GALNT10: variants seen among roughly 807,000 people sequenced by gnomAD.
GALNT10 encodes GalNAc transferase 10.
In GALNT10, 41 loss-of-function variants were observed where a neutral mutation model predicts 75.0. That is an observed-to-expected ratio of 0.55 (90% CI 0.43 to 0.71). The LOEUF is 0.71. Ranked by LOEUF, GALNT10 falls within the 30% of genes least tolerant of loss-of-function variation. The pLI is 0.00. For missense variants in GALNT10, 727 were observed against 818.5 expected (o/e 0.89, Z 1.36); for synonymous variants, 302 against 313.0 (o/e 0.96, Z 0.37).
chr5:154,341,383 T>G (rs1755029814), intron 4 of GALNT10, among the ~76,000 whole-genome samples: 1 of 152,256 alleles, frequency 6.6e-6, no homozygotes, highest in Non-Finnish European at 1.5e-5. Context: ...TGTCATCTCC[T>G]ATTTGTCCTC....
intron 1 of GALNT10, among the ~76,000 whole-genome samples, chr5:154,293,613 A>ATATTTTTTTTTTTTTTTTTTTT: frequency 2.0e-4 from 22 of 109,400 alleles, no homozygotes; most frequent in Admixed American, 4.7e-4. Context: ...ATATATATAT[A>ATATTTTTTTTTTTTTTTTTTTT]TTTTTTTTTT....
intron 7 of GALNT10, among the ~76,000 whole-genome samples, chr5:154,398,755 A>G (rs1042154465): frequency 6.6e-6 from 1 of 152,194 alleles, no homozygotes; most frequent in Non-Finnish European, 1.5e-5. Flanking sequence ...AAATGAGAGA[A>G]TATGGTAGCG....
intron 1 of GALNT10, among the ~76,000 whole-genome samples, chr5:154,233,688 C>T (rs747658839): frequency 2.0e-5 from 3 of 152,188 alleles, no homozygotes; most frequent in Non-Finnish European, 2.9e-5. Flanking sequence ...AGTTATTCCA[C>T]AGCACATGGT....
At chr5:154,217,346 C>T (rs1033013484) in intron 1 of GALNT10, among the ~76,000 whole-genome samples, 3 of 152,266 alleles carry the variant, frequency 2.0e-5, no homozygotes, top group South Asian at 2.1e-4. Flanking sequence ...TGGCAGATCA[C>T]GCTCCTCTTG....
At chr5:154,219,392 G>A (rs114194025) in intron 1 of GALNT10, 8,765 of 152,762 alleles carry the variant, frequency 0.057, 806 homozygotes, top group African/African-American at 0.2. Flanking sequence ...TGTCCTTGGT[G>A]GCCTCCCCTC....
intron 3 of GALNT10, among the ~76,000 whole-genome samples, chr5:154,321,007 C>T (rs990161547): frequency 1.3e-5 from 2 of 152,204 alleles, no homozygotes; most frequent in African/African-American, 4.8e-5. Flanking sequence ...GGACTCTGAC[C>T]TGTTTTTTCC....
chr5:154,334,295 G>A (rs1754909488), intron 4 of GALNT10, among the ~76,000 whole-genome samples: 1 of 152,252 alleles, frequency 6.6e-6, no homozygotes, highest in Admixed American at 6.5e-5. Flanking sequence ...AGCAGAAGCT[G>A]ACACCAGAAT....
At chr5:154,252,378 A>G (rs1433547776) in intron 1 of GALNT10, among the ~76,000 whole-genome samples, 1 of 152,164 alleles carries the variant, frequency 6.6e-6, no homozygotes, top group African/African-American at 2.4e-5. Context: ...AGTGGGAACA[A>G]TATTTTCTGA....
chr5:154,317,749 T>A (rs1300474148), intron 3 of GALNT10, among the ~76,000 whole-genome samples: 1 of 152,134 alleles, frequency 6.6e-6, no homozygotes, highest in Non-Finnish European at 1.5e-5. Context: ...AAAACCTAAC[T>A]CAAACTGACT....
chr5:154,261,328 G>A (rs573131421), intron 1 of GALNT10, among the ~76,000 whole-genome samples: 40 of 152,242 alleles, frequency 2.6e-4, no homozygotes, highest in African/African-American at 7.2e-4. Context: ...GAGCTCCAGA[G>A]CAGGGAGGGA....
chr5:154,374,123 T>C (rs1172434318), intron 4 of GALNT10, among the ~76,000 whole-genome samples: 3 of 152,228 alleles, frequency 2.0e-5, no homozygotes, highest in Non-Finnish European at 4.4e-5. Flanking sequence ...TCATGCCTCT[T>C]GCTTTCTTGT....
rs2113224757 is a variant in GALNT10, at chr5:154,412,752, A to T, written c.1387-137A>T. On this transcript the variant is annotated intron_variant, in intron 9 of 11. Transcript: ENST00000297107. The surrounding 1 kb of genome is among the most constrained non-coding windows in gnomAD (Gnocchi z 4.2). ...AGGCTCAAGGTACTTCCAACAGCCC[A>T]GGGCAAGCTTTATCAAGACGATTTG... The T allele has an allele frequency of 1.4e-6, 1 of 727,082 alleles. No individual in the cohort carries two copies. Among genetic ancestry groups the T allele is most frequent in the South Asian group, 1.5e-5 (1 of 65,992 alleles). The allele number at this position is 727,082 out of a possible 1,614,324, so 45.0% of individuals were successfully genotyped here.
At chr5:154,316,872 A>T (rs1029324167) in intron 3 of GALNT10, among the ~76,000 whole-genome samples, 2 of 152,184 alleles carry the variant, frequency 1.3e-5, no homozygotes, top group African/African-American at 4.8e-5. Flanking sequence ...CTGAAGCCCC[A>T]TGCCCTTCCT....
rs144775487 is a variant in GALNT10 at position 154,336,692 on chromosome 5, C to T, written c.568+6954C>T. Among the ~76,000 whole-genome samples the T allele has an allele frequency of 7.6e-4, 116 of 152,264 alleles. 3 individuals carry two copies. The East Asian group carries it at 0.021, about 28-fold the overall frequency. ...CCTACCCTCCCAATTCCCCTCCAGT[C>T]CCACCCCACTGAGGAAATTCATGTT... On this transcript the variant is annotated intron_variant, in intron 4 of 11. Coordinates refer to ENST00000297107, the MANE Select transcript of GALNT10 (RefSeq NM_198321.4).
intron 7 of GALNT10, among the ~76,000 whole-genome samples, chr5:154,401,243 G>A (rs1217976882): frequency 2.0e-5 from 3 of 152,230 alleles, no homozygotes; most frequent in East Asian, 1.9e-4. Context: ...GCCAAGCAGA[G>A]CTGGACACAG....
At chr5:154,394,427 A>G (rs1268852089) in intron 7 of GALNT10, among the ~76,000 whole-genome samples, 1 of 152,056 alleles carries the variant, frequency 6.6e-6, no homozygotes, top group African/African-American at 2.4e-5. Flanking sequence ...CACACCCAGA[A>G]GCTGAGCAAG....
At chr5:154,386,699 A>G (rs113533605) in intron 7 of GALNT10, 1 of 573,682 alleles carries the variant, frequency 1.7e-6, no homozygotes, top group African/African-American at 1.9e-5. Context: ...TCTTCTTAAG[A>G]TGTTGGAATA....
Position 154,418,056 on chromosome 5 carries a change from A to T in GALNT10, c.*1084A>T, listed in dbSNP as rs1191914573. ...ATTGCAAACTAGGATGCTACATAGG[A>T]TTCTGGTATTCCACATCCAATATGG... On this transcript the variant is annotated 3_prime_UTR_variant, in exon 12 of 12. Transcript: ENST00000297107. 1 of 152,228 alleles carries T rather than the reference A, an allele frequency of 6.6e-6. No individual in the cohort carries two copies. Among genetic ancestry groups the T allele is most frequent in the Non-Finnish European group, 1.5e-5 (1 of 68,042 alleles). The allele number at this position is 152,228 out of a possible 1,614,324, so 9.4% of individuals were successfully genotyped here.
intron 1 of GALNT10, among the ~76,000 whole-genome samples, chr5:154,287,946 A>G (rs1401745764): frequency 3.1e-5 from 3 of 96,604 alleles, no homozygotes; most frequent in Admixed American, 1.4e-4. Context: ...ATGTGTGTGC[A>G]TGTGTGTGTG....
Sources: allele counts gnomAD v4.1 joint callset (sites outside exome capture counted in the v4.1 genomes callset), GRCh38; gene constraint gnomAD v4.1.1; non-coding constraint Gnocchi (gnomAD v3.1); transcripts MANE v1.5; gene names NCBI Gene and HGNC (gene_info 2026-07-23, HGNC 2026-07-21).